Variants in EPB41L4B observed in about 807,000 individuals in gnomAD.
The protein encoded by EPB41L4B is erythrocyte membrane protein band 4.1 like 4B, also known as band 4.1-like protein 4B.
In EPB41L4B, 30 loss-of-function variants were observed where a neutral mutation model predicts 112.5. That is an observed-to-expected ratio of 0.27 (90% confidence interval 0.20 to 0.36). The LOEUF (loss-of-function observed/expected upper bound fraction) is 0.36, where lower values mean the gene tolerates loss of function less well. Among genes scored for constraint, EPB41L4B ranks in the 10% least tolerant of loss-of-function variants. The probability of loss-of-function intolerance (pLI) is 1.00; values close to 1 mark genes in which losing one functional copy is unlikely to be tolerated. For synonymous variants in EPB41L4B, 408 were observed against 439.7 expected (o/e 0.93, Z 0.90); for missense variants, 1,024 against 1,133.3 (o/e 0.90, Z 1.38).
At chr9:109,203,591 G>A (rs1306136479) in intron 19 of EPB41L4B, 72 bp downstream of exon 19, 2 of 1,240,926 alleles carry the variant, frequency 1.6e-6, no homozygotes, top group African/African-American at 3.0e-5. Flanking sequence ...ATGCCCTCGT[G>A]AGCAATGTTT....
intron 13 of EPB41L4B, among the ~76,000 whole-genome samples, chr9:109,251,178 G>A (rs995422514): frequency 2.0e-5 from 3 of 152,222 alleles, no homozygotes; most frequent in Non-Finnish European, 4.4e-5. Context: ...TGCCTGCCAC[G>A]CCATGAGCAC....
intron 7 of EPB41L4B, among the ~76,000 whole-genome samples, chr9:109,256,780 T>C (rs2119030838): frequency 6.6e-6 from 1 of 152,318 alleles, no homozygotes; most frequent in East Asian, 1.9e-4. Flanking sequence ...CCATCTCTGC[T>C]AAAAATACAG....
intron 8 of EPB41L4B, 38 bp downstream of exon 8, chr9:109,256,355 C>G: frequency 6.2e-7 from 1 of 1,605,040 alleles, no homozygotes; most frequent in Non-Finnish European, 8.5e-7. Flanking sequence ...TTTTCAGTAA[C>G]AGCAAAACCA....
In EPB41L4B at chr9:109,200,319, A is replaced by C. The variant is rs2118739949; in HGVS notation, c.1962T>G (p.Ile654Met). ...CAGCTGGCTGGGCAGTTTCCACACG[A>C]ATAGGAATAGGACTTCTAGAGACAC... is the stretch of plus-strand genomic sequence containing the variant. ...QDASVRSPIP[I>M]RVETAQPAVE... is the part of the protein sequence containing the mutation. Residue 654 changes from isoleucine to methionine, a missense_variant, in exon 20 of 26, where the codon ATT (isoleucine) becomes ATG (methionine). Transcript: ENST00000374566. The C allele has an allele frequency of 6.2e-7, 1 of 1,614,150 alleles. No homozygotes were observed.
At chr9:109,199,287 C>T (rs1425295992) in intron 20 of EPB41L4B, among the ~76,000 whole-genome samples, 1 of 152,084 alleles carries the variant, frequency 6.6e-6, no homozygotes, top group East Asian at 1.9e-4. Context: ...TGCAATGATC[C>T]CCGTCCTAGT....
At chr9:109,298,152 A>G (rs1397549478) in intron 1 of EPB41L4B, among the ~76,000 whole-genome samples, 1 of 152,066 alleles carries the variant, frequency 6.6e-6, no homozygotes, top group African/African-American at 2.4e-5. Context: ...GCCTCTCCTT[A>G]GGCTTGGATT....
intron 15 of EPB41L4B, among the ~76,000 whole-genome samples, chr9:109,223,383 C>T (rs1198735172): frequency 6.6e-6 from 1 of 150,846 alleles, no homozygotes; most frequent in Non-Finnish European, 1.5e-5. Context: ...GCAGTGTGAT[C>T]CAAGATCGAG....
Position 109,182,783 on chromosome 9 carries a change from C to T in EPB41L4B, c.2433G>A (p.Pro811=), listed in dbSNP as rs770492105. The stretch of plus-strand genomic sequence containing the variant: ...CAGGAAACGGGTTCATTGTATCAAC[C>T]GGGAATGTTTTTATCTTCAAAAGAG... ...PIKTRLIKTF[P]VDTMNPFPDT... is the part of the protein sequence containing the mutation. Residue 811 remains proline, a synonymous_variant, in exon 24 of 26, where the codon CCG becomes CCA. Transcript: ENST00000374566. The T allele has an allele frequency of 3.1e-6, 5 of 1,611,760 alleles. No homozygotes were observed. The South Asian group carries it at 3.3e-5, about 11-fold the overall frequency.
intron 22 of EPB41L4B, among the ~76,000 whole-genome samples, chr9:109,189,877 C>A (rs942024678): frequency 2.0e-5 from 3 of 152,112 alleles, no homozygotes; most frequent in Non-Finnish European, 2.9e-5. Flanking sequence ...GATCCACCCG[C>A]CTTGGCCTTC....
intron 1 of EPB41L4B, among the ~76,000 whole-genome samples, chr9:109,285,095 G>A (rs1479134786): frequency 6.6e-6 from 1 of 152,150 alleles, no homozygotes; most frequent in African/African-American, 2.4e-5. Context: ...ATCTGCCATG[G>A]TGCCCTGAAT....
intron 1 of EPB41L4B, among the ~76,000 whole-genome samples, chr9:109,319,400 CCCCCGGGCA>C (rs544261072): frequency 3.3e-5 from 5 of 152,286 alleles, no homozygotes; most frequent in Admixed American, 6.5e-5. Flanking sequence ...CGCGCCTGGC[CCCCCGGGCA>C]CCCCGGGGTC....
intron 6 of EPB41L4B, among the ~76,000 whole-genome samples, chr9:109,258,545 C>T (rs868275509): frequency 2.0e-5 from 3 of 152,216 alleles, no homozygotes; most frequent in Admixed American, 6.5e-5. Flanking sequence ...GTCTTTCTCT[C>T]CACTGTTGTT....
rs1177815562 is a variant in EPB41L4B, at chr9:109,200,292, C to A, written c.1989G>T (p.Val663=). ...PIRVETAQPA[V]EKPEIKPPRV... ...GGGGAGGCTTGATTTCCGGCTTTTC[C>A]ACAGCTGGCTGGGCAGTTTCCACAC... The change falls in exon 20 of 26, where the codon GTG becomes GTT. Residue 663 remains valine (V), a synonymous_variant. Coordinates refer to ENST00000374566, the MANE Select transcript of EPB41L4B (RefSeq NM_019114.5). The A allele has an allele frequency of 6.2e-7, 1 of 1,613,966 alleles. No individual in the cohort carries two copies. The highest frequency in any genetic ancestry group is 2.2e-5 in the East Asian group (1 of 44,892).
intron 17 of EPB41L4B, among the ~76,000 whole-genome samples, chr9:109,211,586 C>T (rs371677178): frequency 8.5e-5 from 12 of 141,686 alleles, no homozygotes; most frequent in African/African-American, 1.6e-4. Flanking sequence ...CAGAGTGAGA[C>T]GCCATCTCAA....
chr9:109,239,226 G>A (rs558025044), intron 15 of EPB41L4B, among the ~76,000 whole-genome samples: 3 of 152,322 alleles, frequency 2.0e-5, no homozygotes, highest in African/African-American at 7.2e-5. Context: ...ACAGACCTAG[G>A]TACTGTTTGG....
At chr9:109,253,218 A>C (rs1321778453) in intron 12 of EPB41L4B, among the ~76,000 whole-genome samples, 1 of 152,202 alleles carries the variant, frequency 6.6e-6, no homozygotes, top group African/African-American at 2.4e-5. Context: ...ATATGGAGAA[A>C]GGGGAGAAAT....
At chr9:109,276,120 T>C (rs1458176752) in intron 2 of EPB41L4B, among the ~76,000 whole-genome samples, 2 of 148,928 alleles carry the variant, frequency 1.3e-5, no homozygotes, top group Non-Finnish European at 3.0e-5. Context: ...TACACATATA[T>C]AGTGTATATA....
chr9:109,246,812 C>A (rs981618714), intron 14 of EPB41L4B, among the ~76,000 whole-genome samples: 15 of 152,246 alleles, frequency 9.9e-5, no homozygotes, highest in African/African-American at 3.4e-4. Context: ...AAGACGCCAG[C>A]CATAGAAACG....
At chr9:109,240,379 T>C in intron 15 of EPB41L4B, 2 of 985,390 alleles carry the variant, frequency 2.0e-6, no homozygotes, top group South Asian at 9.4e-5. Flanking sequence ...GCTGAATAGA[T>C]TTTTGCAGTA....
Sources: gnomAD v4.1 joint callset for allele counts (sites outside exome capture counted in the v4.1 genomes callset) on GRCh38, gnomAD v4.1.1 for gene constraint, MANE v1.5 for transcripts, NCBI Gene and HGNC (gene_info 2026-07-23, HGNC 2026-07-21) for gene names.